Variants in AKAP9 observed in about 807,000 individuals in gnomAD.
AKAP9 encodes the protein A-kinase anchor protein 9.
Under a neutral mutation model 488.5 loss-of-function variants are expected in AKAP9, and 311 were observed. That is an observed-to-expected ratio of 0.64 (90% confidence interval 0.58 to 0.70). The LOEUF is 0.70. AKAP9 is among the 30% of genes least tolerant of loss of function. The pLI is 0.00. For synonymous variants in AKAP9, 1,462 were observed against 1,483.5 expected (o/e 0.99, Z 0.33); for missense variants, 4,215 against 4,374.5 (o/e 0.96, Z 1.03).
intron 28 of AKAP9, among the ~76,000 whole-genome samples, chr7:92,074,590 T>C (rs188528379): frequency 1.3e-5 from 2 of 152,242 alleles, no homozygotes; most frequent in Middle Eastern, 3.4e-3. Flanking sequence ...CTATTCACAA[T>C]AGCAAAGACT....
chr7:92,006,165 T>TC (rs934587876), intron 8 of AKAP9, among the ~76,000 whole-genome samples: 169 of 152,172 alleles, frequency 1.1e-3, no homozygotes, highest in Admixed American at 1.9e-3. Context: ...TTTTTCTTTT[T>TC]TTTTTGAGAC....
Position 91,940,956 on chromosome 7 carries a change from T to G in AKAP9, c.-144T>G, listed in dbSNP as rs1328549302. ...TCCGCCAGTGAGCGCGGAGACTGCT[T>G]CCACTTCGGGCGGGGGAGCGCCGGA... On this transcript the variant is annotated 5_prime_UTR_variant, in exon 1 of 50. Coordinates refer to ENST00000356239, the MANE Select transcript of AKAP9 (RefSeq NM_005751.5). 2.3e-6 allele frequency: 2 copies of G among 858,400 alleles called. No homozygotes were observed. Among genetic ancestry groups the G allele is most frequent in the African/African-American group, 1.7e-5 (1 of 60,052 alleles). 53.2% of individuals were successfully genotyped at this position (858,400 alleles called of 1,614,324 possible).
intron 12 of AKAP9, among the ~76,000 whole-genome samples, chr7:92,019,919 C>T (rs1802087044): frequency 6.6e-6 from 1 of 151,588 alleles, no homozygotes; most frequent in African/African-American, 2.4e-5. Context: ...GAGGCTGATG[C>T]AAGAGAATTG....
At position 92,003,574 on chromosome 7, in the gene AKAP9, TATA is replaced by T. The variant is rs1469060135; in HGVS notation, c.3318+342_3318+344del. Among the ~76,000 whole-genome samples, 3 of 152,246 alleles carry T rather than the reference TATA, an allele frequency of 2.0e-5. No homozygotes were observed. The East Asian group carries it at 5.8e-4, about 29-fold the overall frequency. ...ATTAATTTCATTTTGTAATTTTTGT[TATA>T]ATCTCAAAGATTGGTTTCAGCGTTT... On this transcript the variant is annotated intron_variant, in intron 8 of 49. Transcript: ENST00000356239.
Position 92,079,273 on chromosome 7 carries a change from A to T in AKAP9, c.7140A>T (p.Glu2380Asp). 1.9e-6 allele frequency: 3 copies of T among 1,614,120 alleles called. No individual in the cohort carries two copies. The highest frequency in any genetic ancestry group is 1.7e-6 in the Non-Finnish European group (2 of 1,179,984). The change falls in exon 31 of 50, where the codon GAA becomes GAT. Residue 2380 changes from glutamate to aspartate, a missense_variant. By Grantham distance (45) the Glu-to-Asp change is conservative. This residue lies in a region of AKAP9 where 1,476 missense variants were observed against 1,477.4 expected (regional missense o/e 1.00). Transcript: ENST00000356239. ...TGAATGCTCATTCCCTCTCAGAAGAAGCAGACAGTTTAAAACATCAATTGG... is the reference window on the plus strand; with the variant it reads ...TGAATGCTCATTCCCTCTCAGAAGATGCAGACAGTTTAAAACATCAATTGG... ...TSMNAHSLSE[E>D]ADSLKHQLDV...
chr7:92,061,418 T>C lies in AKAP9; in HGVS notation c.5760T>C (p.Ala1920=). Residue 1920 remains alanine, a synonymous_variant, in exon 23 of 50, where the codon GCT becomes GCC. Transcript: ENST00000356239. ...AGCTAGCTGTGGAGCTCAGTAAGGCTGAGGGTGAGCAATTTGCCATTGACA... is the reference window on the plus strand; with the variant it reads ...AGCTAGCTGTGGAGCTCAGTAAGGCCGAGGGTGAGCAATTTGCCATTGACA... ...REQLAVELSK[A]EGVIDGYADE... is the part of the protein sequence containing the mutation. The C allele has an allele frequency of 6.2e-7, 1 of 1,612,488 alleles. No homozygotes were observed. The highest frequency in any genetic ancestry group is 1.1e-5 in the South Asian group (1 of 91,048).
intron 45 of AKAP9, among the ~76,000 whole-genome samples, chr7:92,101,986 T>A (rs1225918544): frequency 6.6e-6 from 1 of 151,784 alleles, no homozygotes; most frequent in East Asian, 1.9e-4. Flanking sequence ...TGAAATCCCA[T>A]CTCTACTAGA....
In AKAP9 at chr7:92,084,902, A is replaced by G. The variant is rs150259270; in HGVS notation, c.8794A>G (p.Ser2932Gly). ...AGCATCAGAAGGCCGAGGAGAAGAAAGTGAAAGTGCAACAGATTCCTTTCC... is the reference window on the plus strand; with the variant it reads ...AGCATCAGAAGGCCGAGGAGAAGAAGGTGAAAGTGCAACAGATTCCTTTCC... ...DIASEGRGEE[S>G]ESATDSFPKK... Residue 2932 changes from serine (S) to glycine (G), a missense_variant, in exon 35 of 50, where the codon AGT (serine) becomes GGT (glycine). Transcript: ENST00000356239. 8 of 1,613,444 alleles carry G rather than the reference A, an allele frequency of 5.0e-6. No individual in the cohort carries two copies. The East Asian group carries it at 6.7e-5, about 14-fold the overall frequency.
rs745480099 is a variant in AKAP9 at position 92,001,216 on chromosome 7, C to T, written c.1299C>T (p.Leu433=). The change falls in exon 8 of 50, where the codon CTC becomes CTT. Residue 433 remains leucine (L), a synonymous_variant. Transcript: ENST00000356239. ...AAACACAAAGAAAGTTAGAACAACTCCGGGCAGAGCTGGATGAGATGTATG... is the reference window on the plus strand; with the variant it reads ...AAACACAAAGAAAGTTAGAACAACTTCGGGCAGAGCTGGATGAGATGTATG... ...EQETQRKLEQ[L]RAELDEMYGQ... 1 of 1,613,926 alleles carries T rather than the reference C, an allele frequency of 6.2e-7. No homozygotes were observed. The highest frequency in any genetic ancestry group is 1.7e-5 in the Admixed American group (1 of 60,012).
chr7:92,095,472 T>A (rs1200056128), intron 40 of AKAP9, among the ~76,000 whole-genome samples: 1 of 152,144 alleles, frequency 6.6e-6, no homozygotes, highest in East Asian at 1.9e-4. Context: ...ATCCTGTCAG[T>A]TTAATACAGA....
intron 1 of AKAP9, among the ~76,000 whole-genome samples, chr7:91,962,618 A>G (rs1793859116): frequency 6.6e-6 from 1 of 152,204 alleles, no homozygotes. Flanking sequence ...CCTAACCCTC[A>G]GTGAACTTAC....
chr7:91,989,529 G>A (rs1222100610), intron 3 of AKAP9, among the ~76,000 whole-genome samples: 1 of 152,046 alleles, frequency 6.6e-6, no homozygotes, highest in Non-Finnish European at 1.5e-5. Flanking sequence ...AGGCAATATA[G>A]AGTCAAGACA....
At chr7:91,952,128 T>A (rs1406553406) in intron 1 of AKAP9, among the ~76,000 whole-genome samples, 1 of 152,196 alleles carries the variant, frequency 6.6e-6, no homozygotes, top group Non-Finnish European at 1.5e-5. Flanking sequence ...AACTTAGTAT[T>A]TACTCGAGCC....
intron 1 of AKAP9, among the ~76,000 whole-genome samples, chr7:91,944,071 A>G (rs1368918304): frequency 6.6e-6 from 1 of 152,182 alleles, no homozygotes; most frequent in Non-Finnish European, 1.5e-5. Flanking sequence ...TATAATATAT[A>G]GTATACTGTA....
chr7:92,058,129 A>G (rs868252116), intron 22 of AKAP9: 1 of 552,664 alleles, frequency 1.8e-6, no homozygotes, highest in Middle Eastern at 3.0e-4. Context: ...TAGAAAATTG[A>G]TAAAGCAAAT....
At chr7:92,048,485 GA>G (rs936862686) in intron 21 of AKAP9, among the ~76,000 whole-genome samples, 5 of 151,656 alleles carry the variant, frequency 3.3e-5, no homozygotes, top group African/African-American at 4.8e-5. Flanking sequence ...AGGTTGTGTT[GA>G]AAAAAAAATT....
At chr7:92,087,240 C>T (rs1814707071) in intron 37 of AKAP9, among the ~76,000 whole-genome samples, 1 of 152,078 alleles carries the variant, frequency 6.6e-6, no homozygotes, top group South Asian at 2.1e-4. Flanking sequence ...AATGAGGATT[C>T]CCTTTAACGA....
At chr7:91,994,571 A>G (rs373002551) in intron 5 of AKAP9, 50 bp from the exon 6 acceptor site, 7 of 1,476,550 alleles carry the variant, frequency 4.7e-6, no homozygotes, top group Non-Finnish European at 6.5e-6. Flanking sequence ...GTTACCTGTA[A>G]TAATAGTCAA....
chr7:91,964,913 G>T (rs1244711012), intron 1 of AKAP9, among the ~76,000 whole-genome samples: 1 of 152,016 alleles, frequency 6.6e-6, no homozygotes, highest in Non-Finnish European at 1.5e-5. Context: ...AATTTTTATT[G>T]TTATGTAATG....
Sources: gnomAD v4.1 joint callset for allele counts (sites outside exome capture counted in the v4.1 genomes callset) on GRCh38, gnomAD v4.1.1 for gene constraint, gnomAD v4.1.1 regional missense constraint, MANE v1.5 for transcripts, NCBI Gene and HGNC (gene_info 2026-07-23, HGNC 2026-07-21) for gene names.